The following NT5C2 variants were observed in gnomAD, a reference collection of about 807,000 sequenced individuals.
NT5C2 encodes the protein 5'-nucleotidase, cytosolic II, also known as cytosolic purine 5'-nucleotidase.
NT5C2 carries 58 observed loss-of-function variants against 76.1 expected under a neutral mutation model. The observed-to-expected ratio is 0.76, with a 90% CI of 0.62 to 0.95. The LOEUF (loss-of-function observed/expected upper bound fraction) is 0.95. Ranked by LOEUF, NT5C2 falls within the 40% of genes least tolerant of loss-of-function variation. NT5C2 has a pLI of 0.00. For missense variants in NT5C2, 478 were observed against 690.3 expected (o/e 0.69, Z 3.45); for synonymous variants, 229 against 237.4 (o/e 0.96, Z 0.32).
intron 3 of NT5C2, among the ~76,000 whole-genome samples, chr10:103,144,474 CTTCT>C (rs1290373585): frequency 3.3e-5 from 5 of 152,182 alleles, no homozygotes; most frequent in South Asian, 2.1e-4. Flanking sequence ...CAAGTACCAG[CTTCT>C]TTCTTTGTTA....
intron 1 of NT5C2, among the ~76,000 whole-genome samples, chr10:103,182,393 T>G (rs2091227252): frequency 6.6e-6 from 1 of 152,030 alleles, no homozygotes; most frequent in Admixed American, 6.6e-5. Flanking sequence ...TCCCAGCACT[T>G]TGGGAAGCCG....
chr10:103,191,492 T>C (rs2092640883), intron 1 of NT5C2, among the ~76,000 whole-genome samples: 1 of 152,148 alleles, frequency 6.6e-6, no homozygotes, highest in Non-Finnish European at 1.5e-5. Flanking sequence ...GAAAGATTAA[T>C]GAGCACCTCT....
chr10:103,153,625 C>T (rs572284795), intron 3 of NT5C2: 16 of 985,282 alleles, frequency 1.6e-5, no homozygotes, highest in African/African-American at 1.6e-4. Flanking sequence ...AGACAGGAAT[C>T]GTTACTGGCA....
intron 3 of NT5C2, among the ~76,000 whole-genome samples, chr10:103,148,517 T>C (rs1339197988): frequency 1.3e-5 from 2 of 150,912 alleles, no homozygotes; most frequent in Non-Finnish European, 2.9e-5. Context: ...GGCAGGAGAA[T>C]GGCGTGAACC....
intron 4 of NT5C2, among the ~76,000 whole-genome samples, chr10:103,136,520 T>C (rs886983155): frequency 2.6e-5 from 4 of 152,212 alleles, no homozygotes; most frequent in African/African-American, 9.7e-5. Flanking sequence ...CAAAGTATGT[T>C]TGTGTGTAGA....
At chr10:103,125,247 C>G in intron 4 of NT5C2, 2 of 741,148 alleles carry the variant, frequency 2.7e-6, no homozygotes, top group Non-Finnish European at 4.6e-6. Flanking sequence ...GCTCTGTGAT[C>G]ATCAATGATT....
chr10:103,167,504 C>T (rs2134368526), intron 3 of NT5C2, among the ~76,000 whole-genome samples: 1 of 152,156 alleles, frequency 6.6e-6, no homozygotes, highest in East Asian at 1.9e-4. Flanking sequence ...AGCTGAATGA[C>T]ATTCATATGA....
chr10:103,091,711 A>G, intron 15 of NT5C2, 96 bp from the exon 16 acceptor site: 1 of 992,418 alleles, frequency 1.0e-6, no homozygotes, highest in Non-Finnish European at 1.6e-6. Context: ...ATGTGACTGG[A>G]AAGTAGAACC....
chr10:103,189,885 G>A (rs1199247644), intron 1 of NT5C2, among the ~76,000 whole-genome samples: 1 of 151,604 alleles, frequency 6.6e-6, no homozygotes, highest in African/African-American at 2.4e-5. Flanking sequence ...GGCCAGGCTG[G>A]TCTCGAACTC....
At chr10:103,095,416 T>C (rs2067949161) in intron 12 of NT5C2, among the ~76,000 whole-genome samples, 1 of 152,242 alleles carries the variant, frequency 6.6e-6, no homozygotes, top group Admixed American at 6.5e-5. Context: ...TCTGTAAGTA[T>C]GTGACTAAGT....
At chr10:103,185,394 C>T (rs1293061181) in intron 1 of NT5C2, among the ~76,000 whole-genome samples, 2 of 151,680 alleles carry the variant, frequency 1.3e-5, no homozygotes, top group Non-Finnish European at 2.9e-5. Context: ...ACCTATAATC[C>T]CACCACTCTG....
At chr10:103,188,766 C>CT (rs1179728159) in intron 1 of NT5C2, among the ~76,000 whole-genome samples, 1 of 152,132 alleles carries the variant, frequency 6.6e-6, no homozygotes, top group Non-Finnish European at 1.5e-5. Flanking sequence ...CTTCGGGAGG[C>CT]TGAGGTGGGC....
At chr10:103,167,520 A>AT (rs1311900414) in intron 3 of NT5C2, among the ~76,000 whole-genome samples, 15 of 152,320 alleles carry the variant, frequency 9.8e-5, no homozygotes, top group East Asian at 1.9e-4. Context: ...TATGATATCC[A>AT]TAAGTGATTA....
At chr10:103,098,628 C>T in intron 10 of NT5C2, 1 of 294,780 alleles carries the variant, frequency 3.4e-6, no homozygotes, top group Non-Finnish European at 6.3e-6. Context: ...TGATGATGTG[C>T]ATACAGTAAA....
intron 4 of NT5C2, among the ~76,000 whole-genome samples, chr10:103,129,336 C>A (rs1175726541): frequency 2.6e-4 from 27 of 105,452 alleles, no homozygotes; most frequent in African/African-American, 9.7e-4. Context: ...CCGCCCCGTC[C>A]GGGAGGGAGG....
intron 4 of NT5C2, among the ~76,000 whole-genome samples, chr10:103,131,441 T>C (rs10883836): frequency 0.32 from 47,969 of 152,092 alleles, 7,653 homozygotes; most frequent in Middle Eastern, 0.36. Flanking sequence ...GTGATTGGTG[T>C]CCTCTTTTAT....
chr10:103,145,887 A>G (rs2081386632), intron 3 of NT5C2: 1 of 184,240 alleles, frequency 5.4e-6, no homozygotes, highest in Non-Finnish European at 1.0e-5. Context: ...TATTAACCAT[A>G]AGAAATAGAG....
intron 3 of NT5C2, among the ~76,000 whole-genome samples, chr10:103,141,442 A>G (rs2080407236): frequency 6.6e-6 from 1 of 152,206 alleles, no homozygotes; most frequent in Non-Finnish European, 1.5e-5. Flanking sequence ...TGGGCAGCAG[A>G]GTGAGACCCT....
intron 1 of NT5C2, among the ~76,000 whole-genome samples, chr10:103,192,349 ATCAAGGCCCTAAAGGTGAAAGCC>A (rs1317147862): frequency 6.6e-6 from 1 of 152,176 alleles, no homozygotes; most frequent in Non-Finnish European, 1.5e-5. Context: ...CCCCTCAAAC[ATCAAGGCCCTAAAGGTGAAAGCC>A]CAGGAAAACG....
Sources: allele counts gnomAD v4.1 joint callset (sites outside exome capture counted in the v4.1 genomes callset), GRCh38; gene constraint gnomAD v4.1.1; transcripts MANE v1.5; gene names NCBI Gene and HGNC (gene_info 2026-07-23, HGNC 2026-07-21).